Variants in ZDHHC21 observed in about 807,000 individuals in gnomAD.
ZDHHC21 encodes the protein palmitoyltransferase ZDHHC21.
Under a neutral mutation model 34.6 loss-of-function variants are expected in ZDHHC21, and 15 were observed. That is an observed-to-expected ratio of 0.43 (90% CI 0.29 to 0.67). The LOEUF is 0.67. ZDHHC21 is among the 30% of genes least tolerant of loss of function. The pLI, the probability that ZDHHC21 is intolerant of heterozygous loss-of-function variation, is 0.14. For missense variants in ZDHHC21, 344 were observed against 327.7 expected (o/e 1.05, Z -0.38); for synonymous variants, 142 against 101.8 (o/e 1.40, Z -2.38).
intron 2 of ZDHHC21, among the ~76,000 whole-genome samples, chr9:14,687,371 G>A (rs1190617043): frequency 2.7e-5 from 4 of 150,612 alleles, no homozygotes; most frequent in African/African-American, 7.5e-5. Context: ...CATCTATGTG[G>A]TAATAAAAGT....
intron 7 of ZDHHC21, among the ~76,000 whole-genome samples, chr9:14,658,460 A>ATTTT (rs1338642945): frequency 4.0e-3 from 139 of 35,058 alleles, no homozygotes; most frequent in Non-Finnish European, 5.1e-3. Context: ...GGATATAAAC[A>ATTTT]TTTCTTTTTT....
chr9:14,642,076 G>A (rs1829473567), intron 7 of ZDHHC21, among the ~76,000 whole-genome samples: 1 of 152,144 alleles, frequency 6.6e-6, no homozygotes, highest in African/African-American at 2.4e-5. Flanking sequence ...ATTTATAAAT[G>A]TCAAGGATGG....
At chr9:14,631,581 G>C (rs991908379) in intron 8 of ZDHHC21, among the ~76,000 whole-genome samples, 2 of 151,986 alleles carry the variant, frequency 1.3e-5, no homozygotes, top group African/African-American at 2.4e-5. Flanking sequence ...TCTAGTTTTC[G>C]GCCTGTCTCA....
At chr9:14,687,705 G>C (rs954182833) in intron 2 of ZDHHC21, among the ~76,000 whole-genome samples, 1 of 150,644 alleles carries the variant, frequency 6.6e-6, no homozygotes, top group Non-Finnish European at 1.5e-5. Context: ...CAAAAGTAAC[G>C]TTGGGCCTAA....
At chr9:14,646,748 C>T (rs558925310) in intron 7 of ZDHHC21, among the ~76,000 whole-genome samples, 64 of 152,216 alleles carry the variant, frequency 4.2e-4, no homozygotes, top group South Asian at 2.3e-3. Context: ...TTATCAGAGA[C>T]CTTTTCCTTG....
intron 5 of ZDHHC21, among the ~76,000 whole-genome samples, chr9:14,664,078 T>C (rs1833911771): frequency 1.3e-5 from 2 of 152,222 alleles, no homozygotes; most frequent in South Asian, 2.1e-4. Flanking sequence ...GGGTGATTTC[T>C]GCATTTCCAT....
intron 7 of ZDHHC21, among the ~76,000 whole-genome samples, chr9:14,650,586 C>G (rs1175152896): frequency 6.6e-6 from 1 of 151,862 alleles, no homozygotes; most frequent in Non-Finnish European, 1.5e-5. Context: ...AAACAGATTA[C>G]ACAAAAAGAT....
rs927716385 is a variant in ZDHHC21, at chr9:14,616,398, T to C, written c.*2568A>G. ...TGAAGCAAAGCAGTCATCACATTCT[T>C]ATGAACTAGAAATAACATCATAAAA... On this transcript the variant is annotated 3_prime_UTR_variant, in exon 10 of 10. Coordinates refer to ENST00000380916, the MANE Select transcript of ZDHHC21 (RefSeq NM_178566.6). 1 of 151,894 alleles carries C rather than the reference T, an allele frequency of 6.6e-6. No individual in the cohort carries two copies. The highest frequency in any genetic ancestry group is 1.5e-5 in the Non-Finnish European group (1 of 67,836). The allele number at this position is 151,894 out of a possible 1,614,324, so 9.4% of individuals were successfully genotyped here.
At chr9:14,673,271 G>T (rs1835802680) in intron 4 of ZDHHC21, among the ~76,000 whole-genome samples, 3 of 151,878 alleles carry the variant, frequency 2.0e-5, no homozygotes, top group African/African-American at 7.2e-5. Flanking sequence ...TATTTGAAAG[G>T]ATCAAAATAC....
chr9:14,619,889 A>G (rs1824985936), intron 8 of ZDHHC21, among the ~76,000 whole-genome samples: 2 of 151,564 alleles, frequency 1.3e-5, no homozygotes. Flanking sequence ...TATGCAAAAA[A>G]AAACCTATTC....
rs748825242 is a variant in ZDHHC21 at position 14,674,364 on chromosome 9, T to TA, written c.-25dup. ...ATTTTGCAATCTTATAACTGCCTGC[T>TA]AACCCACAAGGAAGGATGATCCTAA... On this transcript the variant is annotated 5_prime_UTR_variant, in exon 4 of 10. It introduces an in-frame stop codon into an upstream open reading frame of the 5' UTR. Transcript: ENST00000380916. 146 of 1,575,114 alleles carry TA rather than the reference T, an allele frequency of 9.3e-5. No individual in the cohort carries two copies. The highest frequency in any genetic ancestry group is 2.5e-4 in the Admixed American group (13 of 52,830).
At position 14,661,847 on chromosome 9, in the gene ZDHHC21, G is replaced by A. The variant is rs144333278; in HGVS notation, c.365+368C>T. On this transcript the variant is annotated intron_variant, in intron 6 of 9. Coordinates refer to ENST00000380916, the MANE Select transcript of ZDHHC21 (RefSeq NM_178566.6). ...AAATGAAAAGGGGATATAAACATTC[G>A]GATGCATATGGTTTATTACAATTAG... is the stretch of plus-strand genomic sequence containing the variant. Among the ~76,000 whole-genome samples the A allele has an allele frequency of 4.4e-4, 67 of 152,124 alleles. No individual in the cohort carries two copies. The East Asian group carries it at 6.4e-3, about 14-fold the overall frequency.
intron 7 of ZDHHC21, among the ~76,000 whole-genome samples, chr9:14,640,421 A>C (rs575158229): frequency 1.3e-5 from 2 of 152,192 alleles, no homozygotes; most frequent in Admixed American, 1.3e-4. Context: ...TCTGCTAAAA[A>C]GTTTGAATAC....
Position 14,617,899 on chromosome 9 carries a change from T to C in ZDHHC21, c.*1067A>G, listed in dbSNP as rs1824546805. 1.3e-5 allele frequency: 2 copies of C among 151,954 alleles called. No individual in the cohort carries two copies. Among genetic ancestry groups the C allele is most frequent in the South Asian group, 4.1e-4 (2 of 4,822 alleles). 9.4% of individuals were successfully genotyped at this position (151,954 alleles called of 1,614,324 possible). On this transcript the variant is annotated 3_prime_UTR_variant, in exon 10 of 10. Coordinates refer to ENST00000380916, the MANE Select transcript of ZDHHC21 (RefSeq NM_178566.6). ...ATTATAGGTACACAAAGTTAGTGAC[T>C]TTTTTTAGTAGTAGCTTCCTATAAA...
the ZDHHC21 span, chr9:14,594,188 A>G: frequency 8.5e-5 from 13 of 152,304 alleles, no homozygotes; most frequent in Admixed American, 8.5e-4. Flanking sequence ...TCACGGTGCA[A>G]TGGGCATGGT....
the ZDHHC21 span, among the ~76,000 whole-genome samples, chr9:14,602,218 T>C: frequency 6.6e-6 from 1 of 151,752 alleles, no homozygotes; most frequent in African/African-American, 2.4e-5. Flanking sequence ...AAAAATTCAA[T>C]AGAGAGCTTC....
chr9:14,679,898 T>C (rs554356414), intron 3 of ZDHHC21, 135 bp downstream of exon 3: 2 of 152,328 alleles, frequency 1.3e-5, no homozygotes, highest in East Asian at 3.9e-4. Context: ...AAATTTAGTA[T>C]AAAAACTTTT....
At chr9:14,645,740 T>A (rs893811333) in intron 7 of ZDHHC21, among the ~76,000 whole-genome samples, 2 of 151,780 alleles carry the variant, frequency 1.3e-5, no homozygotes, top group African/African-American at 2.4e-5. Context: ...CAAGAAAAAG[T>A]CAAATGGGAA....
chr9:14,606,002 T>C, the ZDHHC21 span, among the ~76,000 whole-genome samples: 57 of 152,286 alleles, frequency 3.7e-4, no homozygotes, highest in East Asian at 0.011. Context: ...ATATCAAAGT[T>C]TTCTTGAAAA....
Sources: gnomAD v4.1 joint callset for allele counts (sites outside exome capture counted in the v4.1 genomes callset) on GRCh38, gnomAD v4.1.1 for gene constraint, MANE v1.5 for transcripts, NCBI Gene and HGNC (gene_info 2026-07-23, HGNC 2026-07-21) for gene names.